Variants in GABRA2 observed in about 807,000 individuals in gnomAD.
GABRA2 encodes the protein gamma-aminobutyric acid receptor subunit alpha-2.
In GABRA2, 16 loss-of-function variants were observed where a neutral mutation model predicts 48.7. That is an observed-to-expected ratio of 0.33 (90% CI 0.22 to 0.50). The LOEUF is 0.50. GABRA2 is among the 20% of genes least tolerant of loss of function. The pLI is 0.98. For missense variants in GABRA2, 275 were observed against 535.6 expected, an observed-to-expected ratio of 0.51 and a Z score of 4.80; for synonymous variants, 185 against 184.5, an observed-to-expected ratio of 1.00 and a Z score of -0.02.
At chr4:46,291,208 G>A (rs906200901) in intron 8 of GABRA2, among the ~76,000 whole-genome samples, 1 of 152,182 alleles carries the variant, frequency 6.6e-6, no homozygotes, top group Admixed American at 6.5e-5. Flanking sequence ...TAGCCCTCTG[G>A]TTCTAGACTT....
intron 3 of GABRA2, among the ~76,000 whole-genome samples, chr4:46,354,220 G>A (rs538324666): frequency 9.4e-4 from 143 of 152,194 alleles, no homozygotes; most frequent in Admixed American, 1.8e-3. Context: ...GCAGGTAAGT[G>A]GCAGAGCCAA....
At chr4:46,253,415 C>A (rs1312979955) in intron 9 of GABRA2, among the ~76,000 whole-genome samples, 1 of 151,430 alleles carries the variant, frequency 6.6e-6, no homozygotes, top group Non-Finnish European at 1.5e-5. Context: ...ATCAACCCTG[C>A]ATATTTGTAT....
chr4:46,330,772 G>A (rs755743627), intron 4 of GABRA2, among the ~76,000 whole-genome samples: 1 of 151,730 alleles, frequency 6.6e-6, no homozygotes, highest in Non-Finnish European at 1.5e-5. Flanking sequence ...CTGATAATAA[G>A]ACACAAAGTA....
intron 3 of GABRA2, among the ~76,000 whole-genome samples, chr4:46,352,741 C>T (rs1350140239): frequency 6.6e-6 from 1 of 152,028 alleles, no homozygotes; most frequent in Admixed American, 6.6e-5. Flanking sequence ...AGAGAACAAT[C>T]TAAGGCTCTT....
intron 3 of GABRA2, chr4:46,368,862 G>T: frequency 2.0e-6 from 1 of 505,014 alleles, no homozygotes; most frequent in Non-Finnish European, 3.6e-6. Context: ...CTTCATACAA[G>T]AAATGTGCTC....
In GABRA2 at chr4:46,334,365, AT is replaced by A. The variant is rs76866075; in HGVS notation, c.188-1684del. On this transcript the variant is annotated intron_variant, in intron 3 of 9. Transcript: ENST00000381620. ...AGCAAGTGTGGAAATGAGACCCGAC[AT>A]TTTTTTCCTTTTACCCACACCAAAT... Among the ~76,000 whole-genome samples, 34 of 152,202 alleles carry A rather than the reference AT, an allele frequency of 2.2e-4. No homozygotes were observed. In the East Asian group the frequency reaches 6.0e-3, roughly 27 times the overall value.
chr4:46,379,228 C>T (rs1716419249), intron 3 of GABRA2, among the ~76,000 whole-genome samples: 1 of 152,120 alleles, frequency 6.6e-6, no homozygotes, highest in Admixed American at 6.5e-5. Flanking sequence ...ACCTAGCATG[C>T]ACTGTGATGA....
chr4:46,301,520 CT>C (rs1725732702), intron 8 of GABRA2, among the ~76,000 whole-genome samples: 2 of 152,138 alleles, frequency 1.3e-5, no homozygotes, highest in Admixed American at 6.5e-5. Context: ...TCCACTGCCA[CT>C]GAAACAGCTC....
rs1322712224 is a variant in GABRA2, at chr4:46,330,589, T to TAGAGAGAG, written c.255+2025_255+2026insCTCTCTCT. On this transcript the variant is annotated intron_variant, in intron 4 of 9. Transcript: ENST00000381620. ...ATATATATATATATATATATATATA[T>TAGAGAGAG]ATAGAGAGAGAGAGAGAGAGATGTT... Among the ~76,000 whole-genome samples the TAGAGAGAG allele has an allele frequency of 2.5e-3, 309 of 124,638 alleles. 1 individual carries two copies. The highest frequency in any genetic ancestry group is 7.5e-3 in the African/African-American group (270 of 35,920). 81.8% of individuals were successfully genotyped at this position (124,638 alleles called of 152,430 possible).
intron 8 of GABRA2, among the ~76,000 whole-genome samples, chr4:46,263,016 T>C (rs490967): frequency 0.5 from 75,439 of 149,792 alleles, 20,213 homozygotes; most frequent in South Asian, 0.76. Context: ...AAGAAAGATA[T>C]GTTGCTTTCC....
chr4:46,310,710 G>T (rs887827649), intron 5 of GABRA2, among the ~76,000 whole-genome samples: 2 of 152,230 alleles, frequency 1.3e-5, no homozygotes, highest in Admixed American at 6.5e-5. Flanking sequence ...ATTGTGAATT[G>T]TTACTGTATA....
chr4:46,273,498 TATGC>T (rs1260046744), intron 8 of GABRA2, among the ~76,000 whole-genome samples: 151 of 26,866 alleles, frequency 5.6e-3, no homozygotes, highest in African/African-American at 0.02. Context: ...TATATATATA[TATGC>T]ATATATATAT....
chr4:46,299,390 A>AC (rs1399137241), intron 8 of GABRA2, among the ~76,000 whole-genome samples: 62 of 151,920 alleles, frequency 4.1e-4, no homozygotes, highest in Admixed American at 7.2e-4. Flanking sequence ...TTTTCCCATC[A>AC]AATGTGGTCT....
At chr4:46,373,775 G>C (rs1486006597) in intron 3 of GABRA2, among the ~76,000 whole-genome samples, 1 of 152,040 alleles carries the variant, frequency 6.6e-6, no homozygotes, top group East Asian at 1.9e-4. Flanking sequence ...AGATTCCGAA[G>C]TTTCTTTTAC....
rs939140325 is a variant in GABRA2 at position 46,244,131 on chromosome 4, T to C, written c.*6177A>G. 6 of 151,568 alleles carry C rather than the reference T, an allele frequency of 4.0e-5. No individual in the cohort carries two copies. The highest frequency in any genetic ancestry group is 1.2e-4 in the African/African-American group (5 of 41,412). The allele number at this position is 151,568 out of a possible 1,614,324, so 9.4% of individuals were successfully genotyped here. ...CTTAACTGTGGATGGTAAAGTTTAATTCATGAGAATTGTGGCTCAATAATT... is the reference window on the plus strand; with the variant it reads ...CTTAACTGTGGATGGTAAAGTTTAACTCATGAGAATTGTGGCTCAATAATT... On this transcript the variant is annotated 3_prime_UTR_variant, in exon 10 of 10. Transcript: ENST00000381620.
intron 3 of GABRA2, among the ~76,000 whole-genome samples, chr4:46,345,373 A>G (rs887601149): frequency 4.0e-5 from 6 of 151,796 alleles, no homozygotes; most frequent in African/African-American, 1.5e-4. Context: ...TGACAATCAC[A>G]ATTCCTAAAC....
intron 3 of GABRA2, among the ~76,000 whole-genome samples, chr4:46,377,847 G>A (rs1273106392): frequency 5.5e-5 from 8 of 144,418 alleles, no homozygotes; most frequent in South Asian, 2.2e-4. Context: ...TGCCCCGTCC[G>A]GGAGGGAGGT....
rs752052781 is a variant in GABRA2 at position 46,245,535 on chromosome 4, T to G, written c.*4773A>C. 5.9e-5 allele frequency among the ~76,000 whole-genome samples: 9 copies of G among 151,378 alleles called. No individual in the cohort carries two copies. Among genetic ancestry groups the G allele is most frequent in the Non-Finnish European group, 1.3e-4 (9 of 67,532 alleles). On this transcript the variant is annotated 3_prime_UTR_variant, in exon 10 of 10. Coordinates refer to ENST00000381620, the MANE Select transcript of GABRA2 (RefSeq NM_000807.4). ...CAAACCTAATTCTAATTAATAAGTT[T>G]GTTATGGATTTACTGAAAAATGTGT...
At chr4:46,333,460 G>GA (rs1023878581) in intron 3 of GABRA2, among the ~76,000 whole-genome samples, 17 of 151,926 alleles carry the variant, frequency 1.1e-4, no homozygotes, top group Non-Finnish European at 1.9e-4. Flanking sequence ...TCTTGTAGTA[G>GA]AAAAAAACAC....
Sources: gnomAD v4.1 joint callset for allele counts (sites outside exome capture counted in the v4.1 genomes callset) on GRCh38, gnomAD v4.1.1 for gene constraint, MANE v1.5 for transcripts, NCBI Gene and HGNC (gene_info 2026-07-23, HGNC 2026-07-21) for gene names.